GNAT3: variants seen among roughly 807,000 people sequenced by gnomAD.
GNAT3 encodes G protein subunit alpha transducin 3.
In GNAT3, 31 loss-of-function variants were observed where a neutral mutation model predicts 37.7. The observed-to-expected ratio is 0.82, with a 90% confidence interval of 0.62 to 1.11. GNAT3 has a LOEUF of 1.11. Among genes scored for constraint, GNAT3 ranks in the 50% most tolerant of loss-of-function variants. GNAT3 has a pLI of 0.00. For synonymous variants in GNAT3, 138 were observed against 139.8 expected (o/e 0.99, Z 0.09); for missense variants, 437 against 412.5 (o/e 1.06, Z -0.51).
At chr7:80,493,119 T>C (rs564563647) in intron 2 of GNAT3, among the ~76,000 whole-genome samples, 3 of 152,264 alleles carry the variant, frequency 2.0e-5, no homozygotes, top group African/African-American at 7.2e-5. Flanking sequence ...CGGTTTACTA[T>C]ATTTAAAAGT....
chr7:80,463,840 A>G (rs1426484743), intron 5 of GNAT3, among the ~76,000 whole-genome samples: 2 of 142,904 alleles, frequency 1.4e-5, no homozygotes, highest in East Asian at 4.2e-4. Context: ...ATGCCTTGAT[A>G]ACTTACACAT....
intron 2 of GNAT3, among the ~76,000 whole-genome samples, chr7:80,492,034 T>C (rs977062857): frequency 3.3e-5 from 5 of 152,036 alleles, no homozygotes; most frequent in African/African-American, 1.2e-4. Flanking sequence ...ATACTTGAGA[T>C]TAAAATGTTC....
chr7:80,511,690 C>T (rs1791066946), intron 1 of GNAT3, 119 bp downstream of exon 1: 1 of 599,076 alleles, frequency 1.7e-6, no homozygotes, highest in Non-Finnish European at 2.9e-6. Flanking sequence ...TTTCCAAACA[C>T]ATTTTTATAA....
intron 7 of GNAT3, among the ~76,000 whole-genome samples, chr7:80,461,317 G>T (rs1403946947): frequency 6.6e-6 from 1 of 152,180 alleles, no homozygotes; most frequent in South Asian, 2.1e-4. Context: ...GGACGCCAAG[G>T]TGGACAGATC....
chr7:80,504,682 G>T (rs1296041476), intron 1 of GNAT3, among the ~76,000 whole-genome samples: 1 of 152,184 alleles, frequency 6.6e-6, no homozygotes, highest in Admixed American at 6.5e-5. Flanking sequence ...GATATGAAAG[G>T]TGATAGAATT....
intron 1 of GNAT3, among the ~76,000 whole-genome samples, chr7:80,502,971 T>G (rs1229916687): frequency 4.6e-5 from 7 of 152,148 alleles, no homozygotes; most frequent in African/African-American, 1.7e-4. Flanking sequence ...TGCACAATAG[T>G]AACAGTTTCC....
intron 1 of GNAT3, among the ~76,000 whole-genome samples, chr7:80,504,581 G>A (rs565008906): frequency 9.9e-5 from 15 of 152,240 alleles, no homozygotes; most frequent in African/African-American, 3.6e-4. Flanking sequence ...GGCTAAAGAA[G>A]AGAAACATCT....
chr7:80,500,927 G>C (rs1790820809), intron 1 of GNAT3, among the ~76,000 whole-genome samples: 1 of 149,964 alleles, frequency 6.7e-6, no homozygotes, highest in African/African-American at 2.5e-5. Context: ...TTTATGTATT[G>C]CTGGCATTGG....
At chr7:80,503,235 G>A (rs1004565375) in intron 1 of GNAT3, among the ~76,000 whole-genome samples, 10 of 152,054 alleles carry the variant, frequency 6.6e-5, no homozygotes, top group African/African-American at 1.2e-4. Flanking sequence ...CAAATCACAA[G>A]AATATTTTAG....
At chr7:80,511,373 G>C (rs1791061854) in intron 1 of GNAT3, among the ~76,000 whole-genome samples, 1 of 151,998 alleles carries the variant, frequency 6.6e-6, no homozygotes, top group African/African-American at 2.4e-5. Context: ...AACTATACAA[G>C]TAAATAACAA....
intron 5 of GNAT3, among the ~76,000 whole-genome samples, chr7:80,468,253 G>A (rs991886670): frequency 1.7e-4 from 26 of 151,674 alleles, no homozygotes; most frequent in Admixed American, 7.3e-4. Context: ...GCTAAATATT[G>A]GATCACATGA....
chr7:80,497,662 ACG>A lies in GNAT3; in HGVS notation c.119-3017_119-3016del, dbSNP rs201915437. Among the ~76,000 whole-genome samples the A allele has an allele frequency of 1.2e-4, 14 of 116,106 alleles. 2 individuals are homozygous for A. The highest frequency in any genetic ancestry group is 6.9e-4 in the African/African-American group (14 of 20,288). The allele number at this position is 116,106 out of a possible 152,430, so 76.2% of individuals were successfully genotyped here. ...TATATACATATACGTATATACATAT[ACG>A]TATATACATACATATATACACACAC... On this transcript the variant is annotated intron_variant, in intron 1 of 7. Transcript: ENST00000398291.
At position 80,462,522 on chromosome 7, in the gene GNAT3, G is replaced by C. The variant is rs2116138310; in HGVS notation, c.700C>G (p.Leu234Val). 1 of 1,613,396 alleles carries C rather than the reference G, an allele frequency of 6.2e-7. No homozygotes were observed. Among genetic ancestry groups the C allele is most frequent in the South Asian group, 1.1e-5 (1 of 90,920 alleles). Residue 234 changes from leucine to valine, a missense_variant, in exon 6 of 8, where the codon CTC becomes GTC. By Grantham distance (32) the Leu-to-Val change is conservative. Transcript: ENST00000398291. ...CTTACCACTTCTTCGTCTTCCACGAGGACCATGTCATAGGCACTAAGTGCA... is the reference window on the plus strand; with the variant it reads ...CTTACCACTTCTTCGTCTTCCACGACGACCATGTCATAGGCACTAAGTGCA... ...CAALSAYDMV[L>V]VEDEEVNRMH...
intron 1 of GNAT3, among the ~76,000 whole-genome samples, chr7:80,504,969 TG>T (rs1157810427): frequency 6.6e-6 from 1 of 152,198 alleles, no homozygotes; most frequent in Non-Finnish European, 1.5e-5. Context: ...ACGTGATATG[TG>T]TCAGCCAGGA....
Position 80,487,970 on chromosome 7 carries a change from A to T in GNAT3, c.303+565T>A, listed in dbSNP as rs146516379. Among the ~76,000 whole-genome samples, 21 of 152,290 alleles carry T rather than the reference A, an allele frequency of 1.4e-4. No individual in the cohort carries two copies. In the East Asian group the frequency reaches 3.1e-3, roughly 22 times the overall value. On this transcript the variant is annotated intron_variant, in intron 3 of 7. Coordinates refer to ENST00000398291, the MANE Select transcript of GNAT3 (RefSeq NM_001102386.3). ...TTAGATAGCAAAATATAAAGTAGGG[A>T]GAAAATAATTTTGTTGCTACCTTAC...
intron 1 of GNAT3, among the ~76,000 whole-genome samples, chr7:80,503,394 T>G (rs777873172): frequency 4.6e-5 from 7 of 152,224 alleles, no homozygotes; most frequent in Non-Finnish European, 1.0e-4. Context: ...AATAAAAGGC[T>G]TTGCTTGGCT....
chr7:80,474,269 A>C lies in GNAT3; in HGVS notation c.572T>G (p.Phe191Cys). The C allele has an allele frequency of 6.2e-7, 1 of 1,603,548 alleles. No individual in the cohort carries two copies. The highest frequency in any genetic ancestry group is 2.2e-5 in the East Asian group (1 of 44,596). The change falls in exon 5 of 8, where the codon TTT (phenylalanine) becomes TGT (cysteine). Residue 191 changes from phenylalanine (F) to cysteine (C), a missense_variant. Phe to Cys is a radical substitution (Grantham distance 205). Coordinates refer to ENST00000398291, the MANE Select transcript of GNAT3 (RefSeq NM_001102386.3). ...ATCATACCTGAAGTGCAAGTCTTTA[A>C]AGGAGAATTGAGTTTCAATGATTCC... Reference protein sequence around the residue: ...TTGIIETQFSFKDLHFRMFDV... With the variant: ...TTGIIETQFSCKDLHFRMFDV...
intron 1 of GNAT3, among the ~76,000 whole-genome samples, chr7:80,495,022 A>G (rs1254457393): frequency 1.3e-5 from 2 of 152,108 alleles, no homozygotes; most frequent in Non-Finnish European, 2.9e-5. Flanking sequence ...AACTTAAGAT[A>G]GTGGTCTCCA....
intron 5 of GNAT3, among the ~76,000 whole-genome samples, chr7:80,473,519 TATTTTTATTG>T (rs1317653472): frequency 6.6e-6 from 1 of 152,154 alleles, no homozygotes; most frequent in Non-Finnish European, 1.5e-5. Context: ...TTATTAGTTA[TATTTTTATTG>T]ATTTTTGTCA....
Sources: allele counts gnomAD v4.1 joint callset (sites outside exome capture counted in the v4.1 genomes callset), GRCh38; gene constraint gnomAD v4.1.1; transcripts MANE v1.5; gene names NCBI Gene and HGNC (gene_info 2026-07-23, HGNC 2026-07-21).